LSAMP: variants seen among roughly 807,000 people sequenced by gnomAD.
The protein encoded by LSAMP is limbic system associated membrane protein.
LSAMP carries 7 observed loss-of-function variants against 38.6 expected under a neutral mutation model. The ratio of observed to expected loss-of-function variants is 0.18; its 90% CI spans 0.10 to 0.34. The LOEUF is 0.34. Ranked by LOEUF, LSAMP falls within the 10% of genes least tolerant of loss-of-function variation. LSAMP has a pLI of 1.00. For synonymous variants in LSAMP, 154 were observed against 166.8 expected (o/e 0.92, Z 0.59); for missense variants, 313 against 420.0 (o/e 0.75, Z 2.23).
intron 6 of LSAMP, among the ~76,000 whole-genome samples, chr3:115,813,525 TG>T (rs1238113473): frequency 6.6e-6 from 1 of 152,148 alleles, no homozygotes; most frequent in African/African-American, 2.4e-5. Flanking sequence ...AAACTTATTT[TG>T]TGCATCAGTT....
chr3:115,837,432 C>A (rs1423920725), intron 6 of LSAMP, among the ~76,000 whole-genome samples: 1 of 151,898 alleles, frequency 6.6e-6, no homozygotes, highest in East Asian at 1.9e-4. Context: ...TCCTTATTCT[C>A]CTCCTAGACC....
chr3:116,132,043 G>A (rs1219469092), intron 1 of LSAMP, among the ~76,000 whole-genome samples: 1 of 151,816 alleles, frequency 6.6e-6, no homozygotes, highest in African/African-American at 2.4e-5. Context: ...GACCAGGCTG[G>A]TCTCGAACTC....
intron 2 of LSAMP, among the ~76,000 whole-genome samples, chr3:116,077,288 T>A (rs1347123308): frequency 2.0e-5 from 3 of 151,942 alleles, no homozygotes; most frequent in Non-Finnish European, 4.4e-5. Context: ...GCATTAGTCC[T>A]GACTTTAATT....
intron 1 of LSAMP, among the ~76,000 whole-genome samples, chr3:116,213,058 C>T (rs761207300): frequency 7.9e-5 from 12 of 152,108 alleles, no homozygotes; most frequent in Non-Finnish European, 1.3e-4. Context: ...CTTCACTGTC[C>T]ATGACCAATT....
intron 5 of LSAMP, 23 bp from the exon 6 acceptor site, chr3:115,842,016 A>G (rs756466721): frequency 6.3e-7 from 1 of 1,596,894 alleles, no homozygotes; most frequent in East Asian, 2.2e-5. Flanking sequence ...AAACAGAAGA[A>G]TAGAAAGGAT....
At chr3:116,358,451 C>A (rs1468427570) in intron 1 of LSAMP, among the ~76,000 whole-genome samples, 1 of 152,014 alleles carries the variant, frequency 6.6e-6, no homozygotes, top group Admixed American at 6.6e-5. Flanking sequence ...AGGTTAGTGA[C>A]CTCAGATGCG....
chr3:116,211,315 C>T (rs571234562), intron 1 of LSAMP, among the ~76,000 whole-genome samples: 34 of 152,176 alleles, frequency 2.2e-4, no homozygotes, highest in African/African-American at 6.5e-4. Context: ...TGTATACTTG[C>T]GAATTGCTAA....
intron 1 of LSAMP, among the ~76,000 whole-genome samples, chr3:116,321,526 T>A (rs2047706210): frequency 6.6e-6 from 1 of 152,134 alleles, no homozygotes; most frequent in African/African-American, 2.4e-5. Context: ...CCACACAACA[T>A]CTAGAAAGAA....
intron 1 of LSAMP, among the ~76,000 whole-genome samples, chr3:116,204,553 TA>T (rs1167161408): frequency 6.6e-6 from 1 of 151,152 alleles, no homozygotes; most frequent in Non-Finnish European, 1.5e-5. Context: ...TTTAAGTCTT[TA>T]ATCCATCTTG....
rs190322183 is a variant in LSAMP, at chr3:116,007,355, C to T, written c.514+12160G>A. ...AAGTGACATGGGGTAATTTTATTGG[C>T]ATGTCTTTTATGGGCAGAAAGACCC... On this transcript the variant is annotated intron_variant, in intron 3 of 6. Coordinates refer to ENST00000490035, the MANE Select transcript of LSAMP (RefSeq NM_002338.5). 6.6e-4 allele frequency among the ~76,000 whole-genome samples: 100 copies of T among 152,196 alleles called. 2 individuals carry two copies. The Middle Eastern group carries it at 0.027, about 41-fold the overall frequency.
At chr3:116,357,697 G>A (rs1021114111) in intron 1 of LSAMP, among the ~76,000 whole-genome samples, 2 of 152,036 alleles carry the variant, frequency 1.3e-5, no homozygotes, top group Non-Finnish European at 2.9e-5. Flanking sequence ...TTATATATAT[G>A]CTGCATAGGT....
chr3:116,384,717 G>A (rs985299409), intron 1 of LSAMP, among the ~76,000 whole-genome samples: 2 of 152,054 alleles, frequency 1.3e-5, no homozygotes, highest in South Asian at 2.1e-4. Context: ...GAGGTGTTTC[G>A]TGATTTTTTT....
chr3:116,126,214 T>C (rs1407634444), intron 1 of LSAMP, among the ~76,000 whole-genome samples: 2 of 152,202 alleles, frequency 1.3e-5, no homozygotes, highest in African/African-American at 2.4e-5. Flanking sequence ...GAATTTTCTG[T>C]TGGCAATGTG....
rs114259827 is a variant in LSAMP at position 116,415,747 on chromosome 3, G to A, written c.155+29130C>T. ...AGTGTTTTACCCTTCATGCTGGATT[G>A]TAATGCTGCTGATATTGAATTAACA... On this transcript the variant is annotated intron_variant, in intron 1 of 6. Coordinates refer to ENST00000490035, the MANE Select transcript of LSAMP (RefSeq NM_002338.5). 8.9e-3 allele frequency among the ~76,000 whole-genome samples: 1,358 copies of A among 152,208 alleles called. 23 individuals are homozygous for A. Among genetic ancestry groups the A allele is most frequent in the African/African-American group, 0.031 (1,290 of 41,534 alleles).
At chr3:115,991,284 A>G (rs1939659347) in intron 3 of LSAMP, among the ~76,000 whole-genome samples, 1 of 152,080 alleles carries the variant, frequency 6.6e-6, no homozygotes, top group Non-Finnish European at 1.5e-5. Context: ...TGTGAACTGA[A>G]ATATCACCTA....
intron 3 of LSAMP, among the ~76,000 whole-genome samples, chr3:116,011,013 C>CTTTTTTTTTTTTTTTTT (rs1169726977): frequency 1.4e-4 from 21 of 150,566 alleles, no homozygotes; most frequent in African/African-American, 5.2e-4. Context: ...ATAGTTTATG[C>CTTTTTTTTTTTTTTTTT]TTTTTTTTGA....
At chr3:116,089,666 C>T (rs985672262) in intron 1 of LSAMP, among the ~76,000 whole-genome samples, 1 of 152,108 alleles carries the variant, frequency 6.6e-6, no homozygotes, top group Non-Finnish European at 1.5e-5. Context: ...CTAGAATACA[C>T]ATACTTTTTC....
intron 1 of LSAMP, among the ~76,000 whole-genome samples, chr3:116,419,086 T>G (rs2049089383): frequency 6.6e-6 from 1 of 152,232 alleles, no homozygotes; most frequent in South Asian, 2.1e-4. Context: ...TGCTACCCTG[T>G]GTCTCCTATT....
intron 3 of LSAMP, among the ~76,000 whole-genome samples, chr3:115,907,510 A>ATAAAT (rs1167568614): frequency 6.6e-6 from 1 of 152,124 alleles, no homozygotes; most frequent in Non-Finnish European, 1.5e-5. Flanking sequence ...ACTGTGAGAA[A>ATAAAT]TAAATTTCTG....
Sources: allele counts gnomAD v4.1 joint callset (sites outside exome capture counted in the v4.1 genomes callset), GRCh38; gene constraint gnomAD v4.1.1; transcripts MANE v1.5; gene names NCBI Gene and HGNC (gene_info 2026-07-23, HGNC 2026-07-21).